The following MYH14 variants were observed in gnomAD, a reference collection of about 807,000 sequenced individuals.
The protein encoded by MYH14 is myosin-14.
In MYH14, 123 loss-of-function variants were observed where a neutral mutation model predicts 255.5. That is an observed-to-expected ratio of 0.48 (90% CI 0.42 to 0.56). The LOEUF (loss-of-function observed/expected upper bound fraction) is 0.56, where lower values mean the gene tolerates loss of function less well. Ranked by LOEUF, MYH14 falls within the 20% of genes least tolerant of loss-of-function variation. MYH14 has a pLI of 0.00. For missense variants in MYH14, 2,423 were observed against 2,802.3 expected (o/e 0.86, Z 3.06); for synonymous variants, 1,095 against 1,161.2 (o/e 0.94, Z 1.16).
At chr19:50,224,031 TTCCCCAG>T in intron 5 of MYH14, 116 bp from the exon 6 acceptor site, 1 of 613,684 alleles carries the variant, frequency 1.6e-6, no homozygotes. Context: ...CATGCCCGGT[TTCCCCAG>T]TCCCCCTTCC....
At chr19:50,249,558 ATCTCTGTCCCCTGTCTCTGGG>A (rs762399408) in intron 13 of MYH14, 71 bp from the exon 14 acceptor site, 13 of 703,808 alleles carry the variant, frequency 1.8e-5, no homozygotes, top group Middle Eastern at 4.0e-4. Flanking sequence ...CTCTCGATGC[ATCTCTGTCCCCTGTCTCTGGG>A]TCTCTGTCCC....
Position 50,275,993 on chromosome 19 carries a change from C to T in MYH14, c.3470C>T (p.Ala1157Val), listed in dbSNP as rs1214829607. The change falls in exon 28 of 43, where the codon GCA becomes GTA. Residue 1157 changes from alanine to valine, a missense_variant and splice_region_variant. Coordinates refer to ENST00000642316, the MANE Select transcript of MYH14 (RefSeq NM_001145809.2). ...TCCACGGTTCTTGTCACCCCCAGGG[C>T]AGAAGACGAGGGTGGGGCCCGGGCC... Reference protein sequence around the residue: ...EEELQAALARAEDEGGARAQL... With the variant: ...EEELQAALARVEDEGGARAQL... The T allele has an allele frequency of 4.3e-6, 7 of 1,611,576 alleles. No homozygotes were observed. In the Admixed American group the frequency reaches 6.7e-5, roughly 15 times the overall value.
At chr19:50,279,803 G>A (rs868570173) in intron 30 of MYH14, among the ~76,000 whole-genome samples, 3 of 152,206 alleles carry the variant, frequency 2.0e-5, no homozygotes, top group Admixed American at 1.3e-4. Context: ...AGAACATTCC[G>A]GTACGAGTTT....
At chr19:50,224,757 A>T (rs2033012534) in intron 6 of MYH14, 1 of 456,196 alleles carries the variant, frequency 2.2e-6, no homozygotes, top group Admixed American at 2.4e-5. Context: ...AAGGCCTATT[A>T]TATGCCAGAC....
chr19:50,208,328 T>C (rs1376795067), intron 1 of MYH14, among the ~76,000 whole-genome samples: 1 of 152,032 alleles, frequency 6.6e-6, no homozygotes, highest in Non-Finnish European at 1.5e-5. Flanking sequence ...GGCAGGAGAA[T>C]CTCTTGAAAC....
Position 50,230,616 on chromosome 19 carries a change from G to A in MYH14, c.966G>A (p.Gln322=). The A allele has an allele frequency of 1.3e-6, 2 of 1,562,570 alleles. No individual in the cohort carries two copies. The highest frequency in any genetic ancestry group is 1.7e-6 in the Non-Finnish European group (2 of 1,153,758). The stretch of plus-strand genomic sequence containing the variant: ...AGCTGCTGGGGGGCGCTGGAGAGCA[G>A]CTCAAAGGTCAGTGCCGCCCCGTCC... ...FYQLLGGAGE[Q]LKADLLLEPC... Residue 322 remains glutamine, a synonymous_variant, in exon 9 of 43, where the codon CAG becomes CAA. Transcript: ENST00000642316. The surrounding 1 kb of genome is among the most constrained non-coding windows in gnomAD (Gnocchi z 4.7).
At chr19:50,264,055 C>CAAAAAAAAAA (rs34015428) in intron 22 of MYH14, among the ~76,000 whole-genome samples, 79 of 33,144 alleles carry the variant, frequency 2.4e-3, no homozygotes, top group Middle Eastern at 0.028. Context: ...AACTCTGTCT[C>CAAAAAAAAAA]AAAAAAAAAA....
chr19:50,243,582 C>T (rs938085163), intron 10 of MYH14, among the ~76,000 whole-genome samples: 1 of 152,176 alleles, frequency 6.6e-6, no homozygotes, highest in Non-Finnish European at 1.5e-5. Flanking sequence ...GAGCTATGAT[C>T]GTGCCACTGC....
At chr19:50,260,742 TGTGTGCGTGTGTGTGTGTGCGTGCATGA>T (rs765017850) in intron 20 of MYH14, 27 bp downstream of exon 20, 2 of 1,467,742 alleles carry the variant, frequency 1.4e-6, no homozygotes, top group South Asian at 2.3e-5. Flanking sequence ...CTGGAATGCG[TGTGTGCGTGTGTGTGTGTGCGTGCATGA>T]GTGTGCGTGC....
chr19:50,278,256 A>G lies in MYH14; in HGVS notation c.3999A>G (p.Arg1333=). The G allele has an allele frequency of 6.3e-7, 1 of 1,581,234 alleles. No homozygotes were observed. Among genetic ancestry groups the G allele is most frequent in the Non-Finnish European group, 8.6e-7 (1 of 1,164,312 alleles). ...QGRAGDGERA[R]AEAAEKLQRA... ...GGGCTGGTGATGGGGAGAGGGCACG[A>G]GCGGAGGCTGCTGAGAAGCTGCAGC... is the stretch of plus-strand genomic sequence containing the variant. The change falls in exon 30 of 43, where the codon CGA becomes CGG. Residue 1333 remains arginine (R), a synonymous_variant. Transcript: ENST00000642316.
chr19:50,230,540 C>G lies in MYH14; in HGVS notation c.890C>G (p.Ser297Trp). 1 of 1,565,144 alleles carries G rather than the reference C, an allele frequency of 6.4e-7. No individual in the cohort carries two copies. Among genetic ancestry groups the G allele is most frequent in the African/African-American group, 1.4e-5 (1 of 73,852 alleles). The change falls in exon 9 of 43, where the codon TCG becomes TGG. Residue 297 changes from serine to tryptophan, a missense_variant. This residue lies in a region of MYH14 where 672 missense variants were observed against 881.8 expected (regional missense o/e 0.76). Transcript: ENST00000642316. The surrounding 1 kb of genome is among the most constrained non-coding windows in gnomAD (Gnocchi z 4.7). ...ANIETYLLEKSRAIRQAKDEC... is the reference protein window; with the variant it reads ...ANIETYLLEKWRAIRQAKDEC... ...CTGTGTCCAGACCTGCTGGAGAAGT[C>G]GCGGGCCATCCGCCAGGCCAAGGAC...
chr19:50,261,506 A>C lies in MYH14; in HGVS notation c.2456A>C (p.Tyr819Ser), dbSNP rs759814830. ...GCGCTGGAACTGGACCCCAACCTCTACCGCGTGGGACAGAGCAAGATCTTC... is the reference window on the plus strand; with the variant it reads ...GCGCTGGAACTGGACCCCAACCTCTCCCGCGTGGGACAGAGCAAGATCTTC... Reference protein sequence around the residue: ...IQALELDPNLYRVGQSKIFFR... With the variant: ...IQALELDPNLSRVGQSKIFFR... The change falls in exon 21 of 43, where the codon TAC (tyrosine) becomes TCC (serine). Residue 819 changes from tyrosine to serine, a missense_variant. By Grantham distance (144) the Tyr-to-Ser change is moderately radical. This residue lies in a region of MYH14 where 1,513 missense variants were observed against 1,674.8 expected (regional missense o/e 0.90). Coordinates refer to ENST00000642316, the MANE Select transcript of MYH14 (RefSeq NM_001145809.2). 1 of 1,537,968 alleles carries C rather than the reference A, an allele frequency of 6.5e-7. No individual in the cohort carries two copies.
At position 50,293,515 on chromosome 19, in the gene MYH14, T is replaced by C. The variant is rs2036158845; in HGVS notation, c.5346-49T>C. 6.2e-7 allele frequency: 1 copy of C among 1,606,836 alleles called. No individual in the cohort carries two copies. Among genetic ancestry groups the C allele is most frequent in the Non-Finnish European group, 8.5e-7 (1 of 1,177,298 alleles). ...TCCTGTAGTGTGAGGCAAGGCACCC[T>C]CCTCTGACCATCCTGTCCTTTCATC... On this transcript the variant is annotated intron_variant, in intron 38 of 42. Transcript: ENST00000642316. This position sits in a 1 kb window ranked among gnomAD's most constrained non-coding sequence, Gnocchi z 4.1.
rs2035514829 is a variant in MYH14 at position 50,276,513 on chromosome 19, A to G, written c.3681-244A>G. Among the ~76,000 whole-genome samples the G allele has an allele frequency of 6.6e-6, 1 of 152,134 alleles. No homozygotes were observed. The highest frequency in any genetic ancestry group is 1.5e-5 in the Non-Finnish European group (1 of 68,012). ...AAGTGAAGACCCCTAAACCAAGTCT[A>G]TGGGAGATCCAGGAAGACTTTCCTG... On this transcript the variant is annotated intron_variant, in intron 28 of 42. Transcript: ENST00000642316. This position sits in a 1 kb window ranked among gnomAD's most constrained non-coding sequence, Gnocchi z 4.3.
chr19:50,246,565 T>C (rs1396448808), intron 11 of MYH14, among the ~76,000 whole-genome samples: 2 of 152,098 alleles, frequency 1.3e-5, no homozygotes, highest in Non-Finnish European at 1.5e-5. Flanking sequence ...GAGGTTGTAG[T>C]GAGCTGAGAT....
At chr19:50,248,016 C>T (rs1173739574) in intron 12 of MYH14, among the ~76,000 whole-genome samples, 5 of 148,966 alleles carry the variant, frequency 3.4e-5, no homozygotes, top group African/African-American at 7.5e-5. Flanking sequence ...GCTGAGAGCA[C>T]GCCACTGCAC....
chr19:50,265,687 G>A (rs1025540210), intron 22 of MYH14, among the ~76,000 whole-genome samples: 4 of 152,040 alleles, frequency 2.6e-5, no homozygotes, highest in African/African-American at 9.7e-5. Flanking sequence ...TGGATGTGGT[G>A]TCAGGCACCT....
intron 11 of MYH14, among the ~76,000 whole-genome samples, chr19:50,245,155 T>G (rs2034052528): frequency 6.6e-6 from 1 of 151,722 alleles, no homozygotes; most frequent in Non-Finnish European, 1.5e-5. Context: ...TTACCCATAA[T>G]CACCTGTAAT....
At chr19:50,278,379 C>T in intron 30 of MYH14, 90 bp downstream of exon 30, 1 of 944,206 alleles carries the variant, frequency 1.1e-6, no homozygotes. Context: ...CCATATCAAA[C>T]CAATTGTCTC....
Sources: gnomAD v4.1 joint callset for allele counts (sites outside exome capture counted in the v4.1 genomes callset) on GRCh38, gnomAD v4.1.1 for gene constraint, gnomAD v4.1.1 regional missense constraint, Gnocchi (gnomAD v3.1) non-coding constraint, MANE v1.5 for transcripts, NCBI Gene and HGNC (gene_info 2026-07-23, HGNC 2026-07-21) for gene names.